HYCC1: variants seen among roughly 807,000 people sequenced by gnomAD.
HYCC1 encodes hyccin.
chr7:22,905,198 T>C, the HYCC1 span, among the ~76,000 whole-genome samples: 1 of 151,868 alleles, frequency 6.6e-6, no homozygotes, highest in Non-Finnish European at 1.5e-5. Context: ...GGGGATTACA[T>C]TTCTTTTTTC....
chr7:22,957,302 G>GAAAAAAAAAAA, the HYCC1 span, among the ~76,000 whole-genome samples: 1 of 141,998 alleles, frequency 7.0e-6, no homozygotes, highest in Non-Finnish European at 1.5e-5. Context: ...AAGGGAGATG[G>GAAAAAAAAAAA]AAAAAAAAAA....
chr7:23,001,169 C>T, the HYCC1 span, among the ~76,000 whole-genome samples: 3 of 152,164 alleles, frequency 2.0e-5, no homozygotes, highest in Admixed American at 6.6e-5. Flanking sequence ...TAACATTCCT[C>T]AAGCACTTAT....
At chr7:23,010,696 T>C in the HYCC1 span, among the ~76,000 whole-genome samples, 1 of 152,210 alleles carries the variant, frequency 6.6e-6, no homozygotes, top group African/African-American at 2.4e-5. Context: ...TAAATATTGA[T>C]ATCTGGGTTC....
At chr7:22,927,122 C>A in the HYCC1 span, among the ~76,000 whole-genome samples, 1 of 152,158 alleles carries the variant, frequency 6.6e-6, no homozygotes, top group African/African-American at 2.4e-5. Context: ...TAAAGATGTT[C>A]TTTGAAACCA....
chr7:23,011,901 T>C, the HYCC1 span, among the ~76,000 whole-genome samples: 1 of 152,144 alleles, frequency 6.6e-6, no homozygotes, highest in South Asian at 2.1e-4. Context: ...CCACCTACAC[T>C]CAAGGCAAGT....
At chr7:22,948,819 C>T in the HYCC1 span, among the ~76,000 whole-genome samples, 2 of 151,996 alleles carry the variant, frequency 1.3e-5, no homozygotes, top group Non-Finnish European at 2.9e-5. Flanking sequence ...TAGTGCACTG[C>T]TGCTTCTGGG....
At chr7:23,013,532 C>A in the HYCC1 span, among the ~76,000 whole-genome samples, 1 of 152,186 alleles carries the variant, frequency 6.6e-6, no homozygotes, top group Non-Finnish European at 1.5e-5. Flanking sequence ...CCGCCCCAGG[C>A]CCACCCGGCA....
the HYCC1 span, among the ~76,000 whole-genome samples, chr7:22,917,448 T>A: frequency 6.6e-6 from 1 of 152,026 alleles, no homozygotes; most frequent in Non-Finnish European, 1.5e-5. Context: ...TCAGGCCCCC[T>A]CTCTTCCCTA....
chr7:22,949,853 T>C, the HYCC1 span, among the ~76,000 whole-genome samples: 1 of 152,046 alleles, frequency 6.6e-6, no homozygotes, highest in Non-Finnish European at 1.5e-5. Context: ...CCCACAAGCA[T>C]AAGTCTTTAC....
the HYCC1 span, among the ~76,000 whole-genome samples, chr7:22,968,087 A>C: frequency 6.6e-6 from 1 of 152,200 alleles, no homozygotes; most frequent in East Asian, 1.9e-4. Context: ...GTAATAATAC[A>C]TACATATAAG....
chr7:22,932,865 G>A, the HYCC1 span, among the ~76,000 whole-genome samples: 1 of 152,166 alleles, frequency 6.6e-6, no homozygotes, highest in South Asian at 2.1e-4. Context: ...CTTTGCAGAT[G>A]TAGTTAGCTA....
chr7:22,917,107 T>C, the HYCC1 span, among the ~76,000 whole-genome samples: 30 of 152,288 alleles, frequency 2.0e-4, no homozygotes, highest in Non-Finnish European at 1.3e-4. Flanking sequence ...GCTGCTAAGG[T>C]AGCTAAAAAA....
chr7:22,962,708 G>A, the HYCC1 span, among the ~76,000 whole-genome samples: 1 of 151,942 alleles, frequency 6.6e-6, no homozygotes, highest in South Asian at 2.1e-4. Flanking sequence ...GCCTAAAACT[G>A]AGGCTGGACC....
At chr7:22,941,702 A>C in the HYCC1 span, 76 of 152,308 alleles carry the variant, frequency 5.0e-4, 1 homozygote, top group African/African-American at 1.8e-3. Context: ...CAAGTTACAA[A>C]GTATAGAAGA....
the HYCC1 span, chr7:22,941,922 C>T: frequency 6.6e-6 from 1 of 152,246 alleles, no homozygotes; most frequent in African/African-American, 2.4e-5. Flanking sequence ...AAGTACCCAT[C>T]AAATTATTTT....
the HYCC1 span, among the ~76,000 whole-genome samples, chr7:22,967,738 T>C: frequency 6.6e-6 from 1 of 152,100 alleles, no homozygotes; most frequent in Non-Finnish European, 1.5e-5. Context: ...GAGTCATATC[T>C]AGGAAGTATA....
the HYCC1 span, among the ~76,000 whole-genome samples, chr7:22,974,262 C>T: frequency 6.6e-6 from 1 of 152,166 alleles, no homozygotes; most frequent in East Asian, 1.9e-4. Context: ...TCCACCCTCC[C>T]ACCTTTTTGA....
chr7:22,903,729 CA>C, the HYCC1 span, among the ~76,000 whole-genome samples: 2 of 152,130 alleles, frequency 1.3e-5, no homozygotes, highest in Non-Finnish European at 2.9e-5. Flanking sequence ...ACTCTAATGT[CA>C]AATTCTTTTT....
At chr7:22,960,355 T>C in the HYCC1 span, 6 of 1,613,244 alleles carry the variant, frequency 3.7e-6, no homozygotes, top group Non-Finnish European at 5.1e-6. Context: ...ATACACCTTG[T>C]ACCTTCCTTA....
Sources: gnomAD v4.1 joint callset for allele counts (sites outside exome capture counted in the v4.1 genomes callset) on GRCh38, gnomAD v4.1.1 for gene constraint, MANE v1.5 for transcripts, NCBI Gene and HGNC (gene_info 2026-07-23, HGNC 2026-07-21) for gene names.